PARD3B: variants seen among roughly 807,000 people sequenced by gnomAD.
PARD3B encodes partitioning defective 3 homolog B.
PARD3B carries 103 observed loss-of-function variants against 130.2 expected under a neutral mutation model. That is an observed-to-expected ratio of 0.79 (90% CI 0.67 to 0.93). The LOEUF (loss-of-function observed/expected upper bound fraction) is 0.93, where lower values mean the gene tolerates loss of function less well. Among genes scored for constraint, PARD3B ranks in the 40% least tolerant of loss-of-function variants. The pLI, the probability that PARD3B is intolerant of heterozygous loss-of-function variation, is 0.00. For synonymous variants in PARD3B, 583 were observed against 553.2 expected (o/e 1.05, Z -0.76); for missense variants, 1,609 against 1,499.2 (o/e 1.07, Z -1.21).
chr2:205,179,377 T>C (rs931045604), intron 13 of PARD3B, among the ~76,000 whole-genome samples: 2 of 151,760 alleles, frequency 1.3e-5, no homozygotes, highest in African/African-American at 4.8e-5. Context: ...AGTAGTGTTT[T>C]AGGCCTTCAG....
intron 19 of PARD3B, among the ~76,000 whole-genome samples, chr2:205,435,285 G>A (rs1486670924): frequency 1.3e-5 from 2 of 151,812 alleles, no homozygotes; most frequent in African/African-American, 4.8e-5. Context: ...TTTTAGTATA[G>A]GAATAGTATG....
chr2:205,103,995 C>A (rs1703014285), intron 4 of PARD3B, among the ~76,000 whole-genome samples: 1 of 152,128 alleles, frequency 6.6e-6, no homozygotes, highest in Non-Finnish European at 1.5e-5. Flanking sequence ...CTTTGCCAGG[C>A]AATGTTTTTT....
At chr2:205,354,646 T>C (rs1055818977) in intron 18 of PARD3B, among the ~76,000 whole-genome samples, 3 of 152,122 alleles carry the variant, frequency 2.0e-5, no homozygotes, top group Admixed American at 2.0e-4. Context: ...GAAGATTCCT[T>C]CTCTGATAAC....
chr2:205,080,213 C>A (rs2125509139), intron 4 of PARD3B, among the ~76,000 whole-genome samples: 1 of 152,188 alleles, frequency 6.6e-6, no homozygotes, highest in South Asian at 2.1e-4. Flanking sequence ...TACACGTATT[C>A]CCCTTTTTCT....
chr2:205,534,006 A>G (rs2051722825), intron 21 of PARD3B, among the ~76,000 whole-genome samples: 1 of 150,724 alleles, frequency 6.6e-6, no homozygotes, highest in Admixed American at 6.7e-5. Flanking sequence ...CTGTGCATTA[A>G]TGTTTTGTCT....
chr2:204,801,238 C>G (rs763276812), intron 2 of PARD3B, among the ~76,000 whole-genome samples: 1 of 152,086 alleles, frequency 6.6e-6, no homozygotes, highest in Admixed American at 6.6e-5. Flanking sequence ...TTAGTTTTTC[C>G]TATTCTGTGA....
intron 2 of PARD3B, among the ~76,000 whole-genome samples, chr2:204,813,163 TCA>T (rs2043023089): frequency 6.6e-6 from 1 of 152,216 alleles, no homozygotes; most frequent in South Asian, 2.1e-4. Flanking sequence ...ATTTTTACAC[TCA>T]CACCAATATT....
rs1196876167 is a variant in PARD3B at position 205,550,846 on chromosome 2, TTTTATATGTATA to T, written c.3181-2474_3181-2463del. 6.7e-6 allele frequency among the ~76,000 whole-genome samples: 1 copy of T among 148,744 alleles called. No homozygotes were observed. The highest frequency in any genetic ancestry group is 1.5e-5 in the Non-Finnish European group (1 of 67,396). ...TGTATATTTTATGTATATTTGAATA[TTTTATATGTATA>T]TTTGTATGTATATATGTATATTTGT... On this transcript the variant is annotated intron_variant, in intron 21 of 22. Transcript: ENST00000406610. The surrounding 1 kb of genome is among the most constrained non-coding windows in gnomAD (Gnocchi z 4.5).
At chr2:205,435,656 A>G (rs2047487849) in intron 19 of PARD3B, among the ~76,000 whole-genome samples, 2 of 152,238 alleles carry the variant, frequency 1.3e-5, no homozygotes, top group Admixed American at 6.5e-5. Context: ...AATTTTAGAC[A>G]GTAACTACTG....
chr2:205,064,747 A>G (rs1700257495), intron 4 of PARD3B, among the ~76,000 whole-genome samples: 1 of 152,202 alleles, frequency 6.6e-6, no homozygotes, highest in Admixed American at 6.5e-5. Flanking sequence ...AAGGAAAAAG[A>G]TGGCTTGATG....
At chr2:205,256,180 ATG>A (rs1491437857) in intron 16 of PARD3B, among the ~76,000 whole-genome samples, 2 of 109,956 alleles carry the variant, frequency 1.8e-5, no homozygotes, top group Non-Finnish European at 4.3e-5. Flanking sequence ...CCCTCTCAGG[ATG>A]TTTTTTTTAA....
Position 205,091,393 on chromosome 2 carries a change from A to C in PARD3B, c.505-13033A>C, listed in dbSNP as rs1702098321. Among the ~76,000 whole-genome samples, 1 of 152,036 alleles carries C rather than the reference A, an allele frequency of 6.6e-6. No individual in the cohort carries two copies. Among genetic ancestry groups the C allele is most frequent in the South Asian group, 2.1e-4 (1 of 4,810 alleles). On this transcript the variant is annotated intron_variant, in intron 4 of 22. Transcript: ENST00000406610. This position sits in a 1 kb window ranked among gnomAD's most constrained non-coding sequence, Gnocchi z 4.2. ...TCAAAGAGGCTCCAGAAAAGATCGC[A>C]GCATTGGCGACCTCTCACTTTTCTG...
rs1275917027 is a variant in PARD3B, at chr2:205,076,620, C to T, written c.505-27806C>T. Among the ~76,000 whole-genome samples, 7 of 152,070 alleles carry T rather than the reference C, an allele frequency of 4.6e-5. No individual in the cohort carries two copies. In the East Asian group the frequency reaches 5.8e-4, roughly 13 times the overall value. On this transcript the variant is annotated intron_variant, in intron 4 of 22. Coordinates refer to ENST00000406610, the MANE Select transcript of PARD3B (RefSeq NM_001302769.2). ...GCAGTAGGCAAGAAAGCACTGCCTGCGCTCAGGCTCCTGTCACATCAGTGG... is the reference window on the plus strand; with the variant it reads ...GCAGTAGGCAAGAAAGCACTGCCTGTGCTCAGGCTCCTGTCACATCAGTGG...
At chr2:205,565,818 AC>A (rs559540614) in intron 22 of PARD3B, among the ~76,000 whole-genome samples, 74 of 151,850 alleles carry the variant, frequency 4.9e-4, no homozygotes, top group African/African-American at 1.6e-3. Context: ...CCCCATAGAC[AC>A]AGTTTCTGTC....
intron 3 of PARD3B, among the ~76,000 whole-genome samples, chr2:205,019,045 G>A (rs951061423): frequency 2.0e-5 from 3 of 152,082 alleles, no homozygotes; most frequent in Non-Finnish European, 4.4e-5. Flanking sequence ...TTTAGCATAT[G>A]TACATAGTTT....
intron 3 of PARD3B, among the ~76,000 whole-genome samples, chr2:205,001,881 A>G (rs1448721835): frequency 2.6e-5 from 4 of 152,214 alleles, no homozygotes; most frequent in Non-Finnish European, 5.9e-5. Flanking sequence ...TGAGGACTAC[A>G]TTGGAGACGA....
intron 21 of PARD3B, among the ~76,000 whole-genome samples, chr2:205,523,020 T>C (rs2051150704): frequency 6.6e-6 from 1 of 151,630 alleles, no homozygotes. Flanking sequence ...ATCCCTTTTT[T>C]CTTAGGTCTA....
At chr2:205,363,346 G>A (rs532943577) in intron 18 of PARD3B, among the ~76,000 whole-genome samples, 5 of 152,160 alleles carry the variant, frequency 3.3e-5, no homozygotes, top group Admixed American at 1.3e-4. Context: ...AGAGGAGAGG[G>A]GCCTTACCCG....
intron 19 of PARD3B, among the ~76,000 whole-genome samples, chr2:205,403,674 G>T (rs1470608463): frequency 2.0e-5 from 3 of 152,200 alleles, no homozygotes; most frequent in Non-Finnish European, 4.4e-5. Context: ...AACCTTGGGA[G>T]TTGGAGCCCA....
Sources: allele counts gnomAD v4.1 joint callset (sites outside exome capture counted in the v4.1 genomes callset), GRCh38; gene constraint gnomAD v4.1.1; non-coding constraint Gnocchi (gnomAD v3.1); transcripts MANE v1.5; gene names NCBI Gene and HGNC (gene_info 2026-07-23, HGNC 2026-07-21).